DNAL4: variants seen among roughly 807,000 people sequenced by gnomAD.
DNAL4 encodes dynein axonemal light chain 4, also known as dynein light chain, outer arm 4.
A neutral mutation model predicts 12.6 loss-of-function variants in DNAL4; 10 were observed. That is an observed-to-expected ratio of 0.79 (90% confidence interval 0.49 to 1.34). The LOEUF (loss-of-function observed/expected upper bound fraction) is 1.34, where lower values mean the gene tolerates loss of function less well. Ranked by LOEUF, DNAL4 falls within the 40% of genes most tolerant of loss-of-function variation. The pLI is 0.00. For missense variants in DNAL4, 128 were observed against 138.1 expected, an observed-to-expected ratio of 0.93 and a Z score of 0.37; for synonymous variants, 46 against 53.1, an observed-to-expected ratio of 0.87 and a Z score of 0.58.
intron 1 of DNAL4, among the ~76,000 whole-genome samples, chr22:38,792,439 C>T (rs541387800): frequency 1.1e-4 from 16 of 152,308 alleles, no homozygotes; most frequent in Non-Finnish European, 1.6e-4. Flanking sequence ...CCCGCTACCA[C>T]GTCTGGCTAA....
chr22:38,787,030 A>G (rs1445220314), intron 1 of DNAL4, among the ~76,000 whole-genome samples: 1 of 152,050 alleles, frequency 6.6e-6, no homozygotes, highest in Non-Finnish European at 1.5e-5. Context: ...CAGCCATTCA[A>G]TGTCTGGAAC....
chr22:38,780,904 C>T (rs777293912), intron 3 of DNAL4, 22 bp downstream of exon 3: 1 of 1,613,472 alleles, frequency 6.2e-7, no homozygotes, highest in African/African-American at 1.3e-5. Flanking sequence ...GCACGAGGGG[C>T]CGCCTGCACT....
At chr22:38,793,384 A>AGAT (rs1379359071) in intron 1 of DNAL4, among the ~76,000 whole-genome samples, 1 of 152,244 alleles carries the variant, frequency 6.6e-6, no homozygotes, top group Non-Finnish European at 1.5e-5. Flanking sequence ...TTACCAAAGG[A>AGAT]GATGCACCGA....
At chr22:38,780,571 T>G (rs767056838) in intron 3 of DNAL4, 10 of 266,470 alleles carry the variant, frequency 3.8e-5, no homozygotes, top group Non-Finnish European at 7.2e-5. Flanking sequence ...AACACCTTTT[T>G]GAATGGATGA....
At chr22:38,781,672 T>C (rs1348091037) in intron 2 of DNAL4, among the ~76,000 whole-genome samples, 1 of 152,190 alleles carries the variant, frequency 6.6e-6, no homozygotes, top group African/African-American at 2.4e-5. Flanking sequence ...CCCATCTTCT[T>C]CCATCTCCTT....
At position 38,782,818 on chromosome 22, in the gene DNAL4, A is replaced by G; in HGVS notation, c.-87T>C. On this transcript the variant is annotated 5_prime_UTR_variant, in exon 2 of 4. Coordinates refer to ENST00000216068, the MANE Select transcript of DNAL4 (RefSeq NM_005740.3). This position sits in a 1 kb window ranked among gnomAD's most constrained non-coding sequence, Gnocchi z 5.1. ...TTAAGACACACCCAGGAGATTCAGG[A>G]AGCAGGCCCTGCCAACTCGGTGGGA... The G allele has an allele frequency of 7.6e-7, 1 of 1,308,814 alleles. No homozygotes were observed. 81.1% of individuals were successfully genotyped at this position (1,308,814 alleles called of 1,614,324 possible).
intron 2 of DNAL4, 147 bp from the exon 3 acceptor site, chr22:38,781,156 G>A: frequency 1.3e-6 from 1 of 792,840 alleles, no homozygotes; most frequent in Non-Finnish European, 2.0e-6. Flanking sequence ...TCTCCTGACT[G>A]AGGGCCTGCA....
chr22:38,779,497 G>A lies in DNAL4; in HGVS notation c.270C>T (p.Tyr90=). Residue 90 remains tyrosine, a synonymous_variant, in exon 4 of 4, where the codon TAC becomes TAT. Transcript: ENST00000216068. The surrounding 1 kb of genome is among the most constrained non-coding windows in gnomAD (Gnocchi z 4.3). ...EITHEVKNLL[Y]LYFGGTLAVC... Reference sequence around the variant, plus strand: ...CAGCCAGGGTGCCCCCGAAGTACAGGTAGAGGAGGTTCTTCACCTCGTGGG... The same window carrying A: ...CAGCCAGGGTGCCCCCGAAGTACAGATAGAGGAGGTTCTTCACCTCGTGGG... 1 of 1,581,880 alleles carries A rather than the reference G, an allele frequency of 6.3e-7. No individual in the cohort carries two copies.
At position 38,779,402 on chromosome 22, in the gene DNAL4, G is replaced by C; in HGVS notation, c.*47C>G. ...CCTAGGGCTGCTCCCCACCCCAGAT[G>C]AGTGGCAGGAAAAGGCCCTGCAGGG... On this transcript the variant is annotated 3_prime_UTR_variant, in exon 4 of 4. Transcript: ENST00000216068. This position sits in a 1 kb window ranked among gnomAD's most constrained non-coding sequence, Gnocchi z 4.3. 1 of 1,536,298 alleles carries C rather than the reference G, an allele frequency of 6.5e-7. No individual in the cohort carries two copies. Among genetic ancestry groups the C allele is most frequent in the South Asian group, 1.2e-5 (1 of 82,980 alleles).
intron 1 of DNAL4, among the ~76,000 whole-genome samples, chr22:38,785,070 A>G (rs1392362100): frequency 2.0e-5 from 3 of 150,798 alleles, no homozygotes; most frequent in Admixed American, 2.0e-4. Context: ...TGTACCACTC[A>G]GATGTTAGCA....
chr22:38,780,163 C>T (rs146551018), intron 3 of DNAL4, among the ~76,000 whole-genome samples: 269 of 152,304 alleles, frequency 1.8e-3, no homozygotes, highest in African/African-American at 6.3e-3. Flanking sequence ...GACCCCCGCT[C>T]GGCAGGGCGA....
chr22:38,787,749 T>G (rs1435102867), intron 1 of DNAL4, among the ~76,000 whole-genome samples: 1 of 152,228 alleles, frequency 6.6e-6, no homozygotes, highest in Non-Finnish European at 1.5e-5. Flanking sequence ...GGAAATTCTG[T>G]GAAACCTCTT....
chr22:38,786,811 T>C (rs932656500), intron 1 of DNAL4, among the ~76,000 whole-genome samples: 7 of 152,188 alleles, frequency 4.6e-5, no homozygotes, highest in African/African-American at 1.7e-4. Flanking sequence ...AAGGGCCCTT[T>C]ATCTCATTGC....
intron 1 of DNAL4, among the ~76,000 whole-genome samples, chr22:38,786,373 A>G (rs1172882709): frequency 6.6e-6 from 1 of 152,222 alleles, no homozygotes; most frequent in African/African-American, 2.4e-5. Flanking sequence ...AGCCTGGCCA[A>G]CAGGGTAAAA....
chr22:38,791,298 T>C (rs2093050231), intron 1 of DNAL4, among the ~76,000 whole-genome samples: 1 of 152,102 alleles, frequency 6.6e-6, no homozygotes, highest in Non-Finnish European at 1.5e-5. Context: ...GAATGAGTGG[T>C]GAAGGCCCAG....
rs1475245020 is a variant in DNAL4 at position 38,779,502 on chromosome 22, G to C, written c.265C>G (p.Leu89Val). The change falls in exon 4 of 4, where the codon CTC (leucine) becomes GTC (valine). Residue 89 changes from leucine (L) to valine (V), a missense_variant. Transcript: ENST00000216068. This position sits in a 1 kb window ranked among gnomAD's most constrained non-coding sequence, Gnocchi z 4.3. The stretch of plus-strand genomic sequence containing the variant: ...AGGGTGCCCCCGAAGTACAGGTAGA[G>C]GAGGTTCTTCACCTCGTGGGTGATC... Reference protein sequence around the residue: ...FEITHEVKNLLYLYFGGTLAV... With the variant: ...FEITHEVKNLVYLYFGGTLAV... The C allele has an allele frequency of 4.4e-6, 7 of 1,582,254 alleles. No individual in the cohort carries two copies. The highest frequency in any genetic ancestry group is 5.2e-6 in the Non-Finnish European group (6 of 1,163,410).
At position 38,779,726 on chromosome 22, in the gene DNAL4, G is replaced by T; in HGVS notation, c.154-113C>A. On this transcript the variant is annotated intron_variant, in intron 3 of 3. Coordinates refer to ENST00000216068, the MANE Select transcript of DNAL4 (RefSeq NM_005740.3). This position sits in a 1 kb window ranked among gnomAD's most constrained non-coding sequence, Gnocchi z 4.3. ...TGAGGTCTTGGCAAGAGAAAGGCCT[G>T]CTGTCCTATTTCTCTTGTCCTCCTG... The T allele has an allele frequency of 4.5e-6, 6 of 1,334,880 alleles. No homozygotes were observed. The highest frequency in any genetic ancestry group is 4.4e-5 in the South Asian group (3 of 67,792). 82.7% of individuals were successfully genotyped at this position (1,334,880 alleles called of 1,614,324 possible). A position where few individuals can be genotyped will look rare whatever the true frequency, so the allele number is the denominator to read the frequency against.
intron 1 of DNAL4, among the ~76,000 whole-genome samples, chr22:38,792,432 G>C (rs901374299): frequency 6.6e-6 from 1 of 151,972 alleles, no homozygotes; most frequent in African/African-American, 2.4e-5. Flanking sequence ...ACAGGTGCCC[G>C]CTACCACGTC....
intron 1 of DNAL4, among the ~76,000 whole-genome samples, chr22:38,790,775 C>T (rs1468289560): frequency 2.6e-5 from 4 of 152,136 alleles, no homozygotes; most frequent in Non-Finnish European, 2.9e-5. Flanking sequence ...CTATATGGTA[C>T]GGCCTATTTC....
Sources: allele counts gnomAD v4.1 joint callset (sites outside exome capture counted in the v4.1 genomes callset), GRCh38; gene constraint gnomAD v4.1.1; non-coding constraint Gnocchi (gnomAD v3.1); transcripts MANE v1.5; gene names NCBI Gene and HGNC (gene_info 2026-07-23, HGNC 2026-07-21).